Variants in KCNIP4 observed in about 807,000 individuals in gnomAD.
KCNIP4 encodes the protein potassium voltage-gated channel interacting protein 4.
KCNIP4 carries 12 observed loss-of-function variants against 34.0 expected under a neutral mutation model. The observed-to-expected ratio is 0.35, with a 90% CI of 0.23 to 0.57. The LOEUF (loss-of-function observed/expected upper bound fraction) is 0.57. KCNIP4 is among the 20% of genes least tolerant of loss of function. The pLI is 0.83. For synonymous variants in KCNIP4, 124 were observed against 102.2 expected (o/e 1.21, Z -1.29); for missense variants, 238 against 311.7 (o/e 0.76, Z 1.78).
intron 7 of KCNIP4, 54 bp downstream of exon 7, chr4:20,732,627 T>G: frequency 8.8e-7 from 1 of 1,135,056 alleles, no homozygotes; most frequent in Non-Finnish European, 1.3e-6. Flanking sequence ...ATGGCAAACA[T>G]CAGGAAATTT....
At chr4:20,895,536 AT>A (rs1726419436) in intron 1 of KCNIP4, among the ~76,000 whole-genome samples, 1 of 152,224 alleles carries the variant, frequency 6.6e-6, no homozygotes, top group African/African-American at 2.4e-5. Flanking sequence ...ATCCATTATA[AT>A]TTTTGATGTG....
chr4:20,860,368 C>G (rs1229035576), intron 2 of KCNIP4, among the ~76,000 whole-genome samples: 1 of 152,160 alleles, frequency 6.6e-6, no homozygotes, highest in Non-Finnish European at 1.5e-5. Flanking sequence ...AAACTCTTAA[C>G]CTCAGGTGAT....
At chr4:21,505,974 G>C (rs1252986566) in intron 1 of KCNIP4, among the ~76,000 whole-genome samples, 2 of 152,008 alleles carry the variant, frequency 1.3e-5, no homozygotes, top group Non-Finnish European at 2.9e-5. Flanking sequence ...GTGGTGGCAG[G>C]CACCTGTAAT....
intron 1 of KCNIP4, among the ~76,000 whole-genome samples, chr4:21,191,902 T>C (rs1426810479): frequency 6.6e-6 from 1 of 152,204 alleles, no homozygotes; most frequent in Non-Finnish European, 1.5e-5. Context: ...GTATTTTGAT[T>C]ATTTTTCTTA....
intron 1 of KCNIP4, among the ~76,000 whole-genome samples, chr4:20,937,222 C>CT (rs397992488): frequency 0.013 from 582 of 45,544 alleles, 87 homozygotes; most frequent in East Asian, 0.079. Context: ...CCCAAGGAGT[C>CT]TTTTTTTTTT....
chr4:21,407,149 G>A (rs978015651), intron 1 of KCNIP4, among the ~76,000 whole-genome samples: 3 of 151,574 alleles, frequency 2.0e-5, no homozygotes, highest in Non-Finnish European at 4.4e-5. Flanking sequence ...AGCAAGATTG[G>A]ACTCTTAATT....
At chr4:21,509,800 G>A (rs1734152579) in intron 1 of KCNIP4, among the ~76,000 whole-genome samples, 6 of 152,116 alleles carry the variant, frequency 3.9e-5, no homozygotes, top group Admixed American at 3.9e-4. Flanking sequence ...CTGTTAGACT[G>A]TAAATATCCC....
At chr4:20,745,560 A>T (rs545298782) in intron 5 of KCNIP4, among the ~76,000 whole-genome samples, 3 of 152,316 alleles carry the variant, frequency 2.0e-5, no homozygotes, top group Admixed American at 2.0e-4. Flanking sequence ...TTGCACAATT[A>T]CTTTACTTGT....
chr4:21,891,510 G>C (rs1002833878), intron 1 of KCNIP4, among the ~76,000 whole-genome samples: 6 of 152,064 alleles, frequency 3.9e-5, no homozygotes, highest in African/African-American at 1.4e-4. Flanking sequence ...GTACATATGG[G>C]CACACCCTCT....
intron 1 of KCNIP4, among the ~76,000 whole-genome samples, chr4:21,533,552 T>C (rs1053230219): frequency 7.9e-5 from 12 of 152,164 alleles, no homozygotes; most frequent in African/African-American, 1.2e-4. Context: ...GAAGGTATCA[T>C]GATCAAGGAT....
chr4:21,794,611 C>T (rs766713364), intron 1 of KCNIP4, among the ~76,000 whole-genome samples: 10 of 152,038 alleles, frequency 6.6e-5, no homozygotes, highest in African/African-American at 9.7e-5. Context: ...CTGAGACAGC[C>T]GGGCGCAGTG....
intron 1 of KCNIP4, among the ~76,000 whole-genome samples, chr4:21,080,588 GTACTT>G (rs1745916700): frequency 6.6e-6 from 1 of 151,642 alleles, no homozygotes; most frequent in African/African-American, 2.4e-5. Flanking sequence ...AATTTACAGA[GTACTT>G]TACCTTAACA....
intron 1 of KCNIP4, among the ~76,000 whole-genome samples, chr4:21,675,359 T>C (rs1749808260): frequency 6.6e-6 from 1 of 152,038 alleles, no homozygotes; most frequent in Non-Finnish European, 1.5e-5. Flanking sequence ...TTAGAAAGAA[T>C]GAATAAGACC....
chr4:21,507,998 G>T lies in KCNIP4; in HGVS notation c.61+440573C>A, dbSNP rs191826993. The stretch of plus-strand genomic sequence containing the variant: ...TTTTTATCCCCAGAAGGCTTAGGGT[G>T]TTTAAATCACTTGTTTAGAACTACA... On this transcript the variant is annotated intron_variant, in intron 1 of 8. Coordinates refer to ENST00000382152, the MANE Select transcript of KCNIP4 (RefSeq NM_025221.6). 4.4e-3 allele frequency among the ~76,000 whole-genome samples: 664 copies of T among 152,232 alleles called. 6 individuals are homozygous for T. The highest frequency in any genetic ancestry group is 0.015 in the African/African-American group (631 of 41,546).
chr4:21,301,454 T>C (rs1711693403), intron 1 of KCNIP4, among the ~76,000 whole-genome samples: 1 of 152,164 alleles, frequency 6.6e-6, no homozygotes, highest in South Asian at 2.1e-4. Flanking sequence ...TCATAAGGCT[T>C]TAACCTAGGT....
chr4:21,632,157 G>A (rs527513640), intron 1 of KCNIP4, among the ~76,000 whole-genome samples: 3 of 151,938 alleles, frequency 2.0e-5, no homozygotes, highest in Non-Finnish European at 2.9e-5. Flanking sequence ...CATGCTTTTT[G>A]ATGTTCAGCA....
intron 1 of KCNIP4, among the ~76,000 whole-genome samples, chr4:21,059,192 C>G (rs1227731995): frequency 6.6e-6 from 1 of 152,110 alleles, no homozygotes; most frequent in East Asian, 1.9e-4. Context: ...CAAGATAACT[C>G]TGACACCACA....
At chr4:21,071,968 G>T (rs981801554) in intron 1 of KCNIP4, among the ~76,000 whole-genome samples, 1 of 148,536 alleles carries the variant, frequency 6.7e-6, no homozygotes. Context: ...CAAAGGACAT[G>T]AACTCATCCT....
At chr4:20,808,128 A>G (rs1715305558) in intron 3 of KCNIP4, among the ~76,000 whole-genome samples, 2 of 152,090 alleles carry the variant, frequency 1.3e-5, no homozygotes, top group Non-Finnish European at 2.9e-5. Context: ...TTTTGGTAAA[A>G]CTGTTGAATA....
Sources: allele counts gnomAD v4.1 joint callset (sites outside exome capture counted in the v4.1 genomes callset), GRCh38; gene constraint gnomAD v4.1.1; transcripts MANE v1.5; gene names NCBI Gene and HGNC (gene_info 2026-07-23, HGNC 2026-07-21).